The following OOEP variants were observed in gnomAD, a reference collection of about 807,000 sequenced individuals.
OOEP encodes oocyte-expressed protein homolog.
A neutral mutation model predicts 13.7 loss-of-function variants in OOEP; 16 were observed. That is an observed-to-expected ratio of 1.16 (90% confidence interval 0.79 to 1.77). The LOEUF is 1.77. OOEP is among the 40% of genes most tolerant of loss of function. The probability of loss-of-function intolerance (pLI) is 0.00; values close to 1 mark genes in which losing one functional copy is unlikely to be tolerated. For missense variants in OOEP, 195 were observed against 193.1 expected, an observed-to-expected ratio of 1.01 and a Z score of -0.06; for synonymous variants, 89 against 77.1, an observed-to-expected ratio of 1.15 and a Z score of -0.81.
chr6:73,372,937 A>C (rs2150779403), upstream of OOEP, among the ~76,000 whole-genome samples: 1 of 150,224 alleles, frequency 6.7e-6, no homozygotes, highest in South Asian at 2.1e-4. Flanking sequence ...TTAAAAACGA[A>C]AGGCCTCACA....
chr6:73,386,654 T>A lies in OOEP; in HGVS notation c.25+7692A>T, dbSNP rs148397045. 3.8e-4 allele frequency among the ~76,000 whole-genome samples: 58 copies of A among 151,932 alleles called. No homozygotes were observed. In the Middle Eastern group the frequency reaches 0.01, roughly 27 times the overall value. ...GAATTTAGACCCTTACCTCACGACA[T>A]ACACAAAAATTAACTTGAAAAAGAA... is the stretch of plus-strand genomic sequence containing the variant. On this transcript the variant is annotated intron_variant, in intron 2 of 3. Coordinates refer to the OOEP transcript ENST00000370363.
At chr6:73,386,388 C>T (rs1013126436) in intron 2 of OOEP, among the ~76,000 whole-genome samples, 7 of 151,328 alleles carry the variant, frequency 4.6e-5, no homozygotes, top group Non-Finnish European at 5.9e-5. Flanking sequence ...GCCCCCAGAC[C>T]GGGCCAACAA....
intron 2 of OOEP, among the ~76,000 whole-genome samples, chr6:73,393,128 G>C (rs1341428385): frequency 1.4e-5 from 2 of 145,012 alleles, no homozygotes; most frequent in African/African-American, 5.2e-5. Flanking sequence ...TTTTTTTTTT[G>C]AGACAGGGTC....
intron 2 of OOEP, among the ~76,000 whole-genome samples, chr6:73,389,965 T>C (rs1769325920): frequency 6.6e-6 from 1 of 152,186 alleles, no homozygotes; most frequent in Admixed American, 6.6e-5. Flanking sequence ...GCAGATCACT[T>C]GAGGCCAGGA....
intron 2 of OOEP, among the ~76,000 whole-genome samples, chr6:73,385,593 CTCTT>C (rs1161697874): frequency 6.6e-6 from 1 of 150,382 alleles, no homozygotes; most frequent in African/African-American, 2.4e-5. Context: ...AATAAAAGCT[CTCTT>C]TTTTTTTTTT....
chr6:73,388,910 T>C, intron 2 of OOEP, among the ~76,000 whole-genome samples: 1 of 151,940 alleles, frequency 6.6e-6, no homozygotes. Flanking sequence ...GCTCCTTGCC[T>C]GGCGGAGTCG....
Position 73,369,882 on chromosome 6 carries a change from A to G in OOEP, c.-90T>C. 1 of 1,241,602 alleles carries G rather than the reference A, an allele frequency of 8.1e-7. No homozygotes were observed. The highest frequency in any genetic ancestry group is 1.3e-5 in the South Asian group (1 of 74,888). The allele number at this position is 1,241,602 out of a possible 1,614,324, so 76.9% of individuals were successfully genotyped here. The stretch of plus-strand genomic sequence containing the variant: ...CGCGAAGCTCGGGCTCTCTTTTACC[A>G]TATTCGACCCGCTCCGCCCCTTCCG... On this transcript the variant is annotated 5_prime_UTR_variant, in exon 1 of 3. The change abolishes an upstream ATG in the 5' untranslated region. Transcript: ENST00000370359.
At chr6:73,369,540 G>A in intron 1 of OOEP, 63 bp downstream of exon 1, 3 of 1,553,170 alleles carry the variant, frequency 1.9e-6, no homozygotes, top group Non-Finnish European at 1.8e-6. Flanking sequence ...GTAGAGAGCT[G>A]CTCTGCCAAG....
In OOEP at chr6:73,369,867, G is replaced by T; in HGVS notation, c.-75C>A. ...TCTTCCAGACCCAGGCGCGAAGCTCGGGCTCTCTTTTACCATATTCGACCC... is the reference window on the plus strand; with the variant it reads ...TCTTCCAGACCCAGGCGCGAAGCTCTGGCTCTCTTTTACCATATTCGACCC... On this transcript the variant is annotated 5_prime_UTR_variant, in exon 1 of 3. Transcript: ENST00000370359. 2 of 1,405,508 alleles carry T rather than the reference G, an allele frequency of 1.4e-6. No individual in the cohort carries two copies. Among genetic ancestry groups the T allele is most frequent in the African/African-American group, 2.8e-5 (2 of 71,022 alleles). The allele number at this position is 1,405,508 out of a possible 1,614,324, so 87.1% of individuals were successfully genotyped here.
At chr6:73,390,774 T>G (rs1437725897) in intron 2 of OOEP, among the ~76,000 whole-genome samples, 2 of 151,026 alleles carry the variant, frequency 1.3e-5, no homozygotes, top group East Asian at 1.9e-4. Context: ...CTTTTTTTTG[T>G]ATTTTTAGTA....
chr6:73,376,473 T>TTGTA (rs1554233064), intron 2 of OOEP, among the ~76,000 whole-genome samples: 2 of 148,924 alleles, frequency 1.3e-5, no homozygotes, highest in East Asian at 3.9e-4. Flanking sequence ...CGAAACATGA[T>TTGTA]TTTATTTATT....
chr6:73,390,604 G>A lies in OOEP; in HGVS notation c.25+3742C>T, dbSNP rs375591592. The stretch of plus-strand genomic sequence containing the variant: ...AACTTTTTTTTTTTTTTTTTGAGAC[G>A]GAGTTTCGTTCTTGTCGCCTGGAGT... On this transcript the variant is annotated intron_variant, in intron 2 of 3. Coordinates refer to the OOEP transcript ENST00000370363. Among the ~76,000 whole-genome samples, 10 of 142,926 alleles carry A rather than the reference G, an allele frequency of 7.0e-5. No individual in the cohort carries two copies. In the East Asian group the frequency reaches 8.0e-4, roughly 11 times the overall value. 93.8% of individuals were successfully genotyped at this position (142,926 alleles called of 152,430 possible). A position where few individuals can be genotyped will look rare whatever the true frequency, so the allele number is the denominator to read the frequency against.
At chr6:73,388,242 A>G (rs140621488) in intron 2 of OOEP, among the ~76,000 whole-genome samples, 4 of 152,298 alleles carry the variant, frequency 2.6e-5, no homozygotes, top group Admixed American at 1.3e-4. Flanking sequence ...CCCTCCCCCA[A>G]AGTGAAATGA....
rs977578885 is a variant in OOEP at position 73,368,733 on chromosome 6, T to C, written c.*51A>G. 7.9e-7 allele frequency: 1 copy of C among 1,263,760 alleles called. No individual in the cohort carries two copies. The highest frequency in any genetic ancestry group is 1.2e-6 in the Non-Finnish European group (1 of 862,268). The allele number at this position is 1,263,760 out of a possible 1,614,324, so 78.3% of individuals were successfully genotyped here. A position where few individuals can be genotyped will look rare whatever the true frequency, so the allele number is the denominator to read the frequency against. On this transcript the variant is annotated 3_prime_UTR_variant, in exon 3 of 3. Transcript: ENST00000370359. The stretch of plus-strand genomic sequence containing the variant: ...TGCTATACTTGCTTTTCTTCAACTT[T>C]AGCAGCAAAAGTTAGAAAGTTAAGA...
upstream of OOEP, among the ~76,000 whole-genome samples, chr6:73,372,364 CAGTT>C (rs1436632253): frequency 6.6e-6 from 1 of 152,118 alleles, no homozygotes; most frequent in Non-Finnish European, 1.5e-5. Flanking sequence ...CACCGTGAAG[CAGTT>C]AGTCTCAGAT....
intron 2 of OOEP, among the ~76,000 whole-genome samples, chr6:73,392,453 C>T (rs933569454): frequency 5.9e-5 from 9 of 151,650 alleles, no homozygotes; most frequent in African/African-American, 1.9e-4. Flanking sequence ...TACAGACATT[C>T]GCCACCATGC....
rs70994198 is a variant in OOEP at position 73,392,619 on chromosome 6, CTTTTTTTTTTTTT to C, written c.25+1714_25+1726del. ...GCGCCTGGCCTATTTCCTAGGTAATCTTTTTTTTTTTTTTTTTTTTTTTTTTTTTGAGATGGAG... is the reference window on the plus strand; with the variant it reads ...GCGCCTGGCCTATTTCCTAGGTAATCTTTTTTTTTTTTTTTTGAGATGGAG... On this transcript the variant is annotated intron_variant, in intron 2 of 3. Transcript: ENST00000370363. Among the ~76,000 whole-genome samples the C allele has an allele frequency of 6.5e-3, 286 of 44,068 alleles. 3 individuals carry two copies. The highest frequency in any genetic ancestry group is 0.063 in the South Asian group (40 of 630). The allele number at this position is 44,068 out of a possible 152,430, so 28.9% of individuals were successfully genotyped here.
chr6:73,395,113 CTG>C, upstream of OOEP: 1 of 1,614,060 alleles, frequency 6.2e-7, no homozygotes, highest in Non-Finnish European at 8.5e-7. Flanking sequence ...GGAACTGCCG[CTG>C]TGTTTTGCTT....
Position 73,393,040 on chromosome 6 carries a change from T to C in OOEP, c.25+1306A>G, listed in dbSNP as rs181363411. 8.5e-5 allele frequency among the ~76,000 whole-genome samples: 13 copies of C among 152,096 alleles called. No homozygotes were observed. In the East Asian group the frequency reaches 1.7e-3, roughly 20 times the overall value. On this transcript the variant is annotated intron_variant, in intron 2 of 3. Transcript: ENST00000370363. ...GCCTCACATTCCCAAGGTGCTGGGA[T>C]TACAGCCATGAGCCACACCATGCCT...
Sources: allele counts gnomAD v4.1 joint callset (sites outside exome capture counted in the v4.1 genomes callset), GRCh38; gene constraint gnomAD v4.1.1; transcripts MANE v1.5; gene names NCBI Gene and HGNC (gene_info 2026-07-23, HGNC 2026-07-21).